The following PEBP4 variants were observed in gnomAD, a reference collection of about 807,000 sequenced individuals.
The protein encoded by PEBP4 is phosphatidylethanolamine-binding protein 4.
PEBP4 carries 22 observed loss-of-function variants against 23.9 expected under a neutral mutation model. The observed-to-expected ratio is 0.92, with a 90% confidence interval of 0.66 to 1.31. The LOEUF (loss-of-function observed/expected upper bound fraction) is 1.31. Ranked by LOEUF, PEBP4 falls within the 40% of genes most tolerant of loss-of-function variation. The probability of loss-of-function intolerance (pLI) is 0.00; values close to 1 mark genes in which losing one functional copy is unlikely to be tolerated. For missense variants in PEBP4, 324 were observed against 281.7 expected, an observed-to-expected ratio of 1.15 and a Z score of -1.07; for synonymous variants, 112 against 99.3, an observed-to-expected ratio of 1.13 and a Z score of -0.76.
chr8:22,895,903 T>C (rs1010820235), intron 3 of PEBP4: 2 of 152,254 alleles, frequency 1.3e-5, no homozygotes, highest in African/African-American at 4.8e-5. Context: ...GAACCCAGCC[T>C]AGGTGGCATT....
Position 22,755,676 on chromosome 8 carries a change from C to G in PEBP4, c.358-28456G>C, listed in dbSNP as rs191281150. On this transcript the variant is annotated intron_variant, in intron 4 of 6. Transcript: ENST00000256404. ...TTTCTAACATCATTTTTGTCATCATCATCACCATCCATTACTGATAATGTT... is the reference window on the plus strand; with the variant it reads ...TTTCTAACATCATTTTTGTCATCATGATCACCATCCATTACTGATAATGTT... 139 of 152,286 alleles carry G rather than the reference C, an allele frequency of 9.1e-4. 1 individual carries two copies. Among genetic ancestry groups the G allele is most frequent in the African/African-American group, 3.2e-3 (135 of 41,542 alleles). The allele number at this position is 152,286 out of a possible 1,614,324, so 9.4% of individuals were successfully genotyped here.
intron 4 of PEBP4, among the ~76,000 whole-genome samples, chr8:22,788,278 G>C (rs1451927017): frequency 6.6e-6 from 1 of 152,042 alleles, no homozygotes; most frequent in East Asian, 1.9e-4. Context: ...GACAAGAACT[G>C]CATGTTTCCA....
chr8:22,921,594 GC>G (rs986593898), intron 2 of PEBP4, among the ~76,000 whole-genome samples: 5 of 152,250 alleles, frequency 3.3e-5, no homozygotes, highest in African/African-American at 1.2e-4. Context: ...GCACCTGGCA[GC>G]CCCGGACCAG....
intron 3 of PEBP4, among the ~76,000 whole-genome samples, chr8:22,855,601 C>T (rs899620493): frequency 1.3e-5 from 2 of 152,128 alleles, no homozygotes; most frequent in East Asian, 1.9e-4. Flanking sequence ...GTCCCTGGAA[C>T]TCAGCGTTAA....
chr8:22,874,961 A>G (rs1563245269), intron 3 of PEBP4, among the ~76,000 whole-genome samples: 1 of 151,874 alleles, frequency 6.6e-6, no homozygotes, highest in Non-Finnish European at 1.5e-5. Flanking sequence ...CCAGCTGTCC[A>G]TTGGGGCTTT....
intron 4 of PEBP4, among the ~76,000 whole-genome samples, chr8:22,766,399 C>A (rs964085169): frequency 1.3e-5 from 2 of 152,274 alleles, no homozygotes; most frequent in Non-Finnish European, 1.5e-5. Flanking sequence ...TAACATAACC[C>A]TCTGTGCACT....
rs112950329 is a variant in PEBP4 at position 22,776,159 on chromosome 8, A to G, written c.357+41478T>C. Reference sequence around the variant, plus strand: ...TGAGGGGCAGCGGTTTCTTTGAAGAACAGAATCCTGAAATGCTGACGCCAG... The same window carrying G: ...TGAGGGGCAGCGGTTTCTTTGAAGAGCAGAATCCTGAAATGCTGACGCCAG... On this transcript the variant is annotated intron_variant, in intron 4 of 6. Transcript: ENST00000256404. Among the ~76,000 whole-genome samples, 14 of 152,262 alleles carry G rather than the reference A, an allele frequency of 9.2e-5. 1 individual carries two copies. Among genetic ancestry groups the G allele is most frequent in the African/African-American group, 3.1e-4 (13 of 41,530 alleles).
Position 22,915,660 on chromosome 8 carries a change from C to T in PEBP4, c.258+4524G>A, listed in dbSNP as rs528847634. 4.6e-5 allele frequency among the ~76,000 whole-genome samples: 7 copies of T among 152,288 alleles called. No individual in the cohort carries two copies. The East Asian group carries it at 1.2e-3, about 25-fold the overall frequency. On this transcript the variant is annotated intron_variant, in intron 3 of 6. Transcript: ENST00000256404. ...CAAATAGTCCATGGCGGCTGCAGTC[C>T]CCTGAGCCAGTGGGCCTGCACTTGA...
At chr8:22,915,897 C>T (rs567569089) in intron 3 of PEBP4, among the ~76,000 whole-genome samples, 2 of 152,140 alleles carry the variant, frequency 1.3e-5, no homozygotes, top group African/African-American at 4.8e-5. Context: ...CTGTGAGTTC[C>T]GAGCTCTCTT....
chr8:22,868,575 C>G (rs1807950338), intron 3 of PEBP4, among the ~76,000 whole-genome samples: 1 of 152,186 alleles, frequency 6.6e-6, no homozygotes. Flanking sequence ...CCTGACCTCT[C>G]CAGCAGGATG....
chr8:22,802,819 G>T (rs568356735), intron 4 of PEBP4, among the ~76,000 whole-genome samples: 1 of 152,172 alleles, frequency 6.6e-6, no homozygotes, highest in African/African-American at 2.4e-5. Flanking sequence ...AAGAAAAGTC[G>T]AGGGCTGCTT....
At chr8:22,728,584 C>A (rs1181864301) in intron 4 of PEBP4, among the ~76,000 whole-genome samples, 22 of 135,340 alleles carry the variant, frequency 1.6e-4, no homozygotes, top group Non-Finnish European at 2.9e-4. Context: ...TCCTTCCTTC[C>A]TTCCTTCCTT....
intron 4 of PEBP4, among the ~76,000 whole-genome samples, chr8:22,753,506 A>G (rs1256452421): frequency 2.0e-5 from 3 of 152,220 alleles, no homozygotes; most frequent in Admixed American, 2.0e-4. Flanking sequence ...ATCTTGACAA[A>G]ATAATGAAAT....
intron 4 of PEBP4, among the ~76,000 whole-genome samples, chr8:22,759,129 C>T (rs1805450287): frequency 6.6e-6 from 1 of 152,092 alleles, no homozygotes; most frequent in Non-Finnish European, 1.5e-5. Context: ...GTCTGGTGGG[C>T]TCAGGGAAAG....
At chr8:22,932,543 C>A (rs7821986), upstream of PEBP4, among the ~76,000 whole-genome samples, 68,378 of 151,676 alleles carry the variant, frequency 0.45, 17,229 homozygotes, top group African/African-American at 0.69. Context: ...ACACACACAC[C>A]CCCAGAGAGA....
chr8:22,754,306 T>C (rs1805330568), intron 4 of PEBP4, among the ~76,000 whole-genome samples: 1 of 152,220 alleles, frequency 6.6e-6, no homozygotes, highest in Non-Finnish European at 1.5e-5. Context: ...CCTACTGGAC[T>C]GCGGGTGTAT....
At chr8:22,728,210 G>C (rs921002814) in intron 4 of PEBP4, among the ~76,000 whole-genome samples, 1 of 152,092 alleles carries the variant, frequency 6.6e-6, no homozygotes, top group Non-Finnish European at 1.5e-5. Context: ...GTGGGGGCAG[G>C]GGCAGGAGAG....
At chr8:22,779,578 C>G (rs775465887) in intron 4 of PEBP4, among the ~76,000 whole-genome samples, 7 of 152,098 alleles carry the variant, frequency 4.6e-5, no homozygotes, top group South Asian at 2.1e-4. Context: ...GTGCCGTGGT[C>G]CCCCGACTCT....
chr8:22,900,025 T>C (rs961355397), intron 3 of PEBP4, among the ~76,000 whole-genome samples: 10 of 152,018 alleles, frequency 6.6e-5, no homozygotes, highest in African/African-American at 2.2e-4. Context: ...ACCACCTGCC[T>C]GCATGACCTC....
Sources: gnomAD v4.1 joint callset for allele counts (sites outside exome capture counted in the v4.1 genomes callset) on GRCh38, gnomAD v4.1.1 for gene constraint, MANE v1.5 for transcripts, NCBI Gene and HGNC (gene_info 2026-07-23, HGNC 2026-07-21) for gene names.